STXBP5L: variants seen among roughly 807,000 people sequenced by gnomAD.
STXBP5L encodes syntaxin binding protein 5L.
Under a neutral mutation model 144.5 loss-of-function variants are expected in STXBP5L, and 65 were observed. The ratio of observed to expected loss-of-function variants is 0.45; its 90% CI spans 0.37 to 0.55. STXBP5L has a LOEUF of 0.55. Among genes scored for constraint, STXBP5L ranks in the 20% least tolerant of loss-of-function variants. The pLI, the probability that STXBP5L is intolerant of heterozygous loss-of-function variation, is 0.00. For missense variants in STXBP5L, 1,298 were observed against 1,405.5 expected (o/e 0.92, Z 1.22); for synonymous variants, 505 against 469.6 (o/e 1.08, Z -0.97).
chr3:121,058,480 G>T (rs1421481074), intron 5 of STXBP5L, among the ~76,000 whole-genome samples: 1 of 152,256 alleles, frequency 6.6e-6, no homozygotes, highest in Middle Eastern at 3.4e-3. Flanking sequence ...TAATCCTTTG[G>T]TTATATACCC....
intron 3 of STXBP5L, among the ~76,000 whole-genome samples, chr3:121,007,443 G>T (rs936257814): frequency 3.9e-5 from 6 of 151,920 alleles, no homozygotes; most frequent in East Asian, 1.9e-4. Context: ...GGAAGAGTTT[G>T]TGTGAAATTA....
intron 2 of STXBP5L, among the ~76,000 whole-genome samples, chr3:120,943,499 G>C (rs1348761022): frequency 6.6e-6 from 1 of 151,586 alleles, no homozygotes; most frequent in Non-Finnish European, 1.5e-5. Context: ...AGAGTATGAG[G>C]TATATATATT....
chr3:120,989,782 A>C (rs1217934430), intron 3 of STXBP5L, among the ~76,000 whole-genome samples: 1 of 151,994 alleles, frequency 6.6e-6, no homozygotes, highest in Non-Finnish European at 1.5e-5. Flanking sequence ...TAATGTTTTC[A>C]TTTGTCACAA....
At chr3:121,390,411 T>G (rs2046551107) in intron 22 of STXBP5L, among the ~76,000 whole-genome samples, 1 of 152,216 alleles carries the variant, frequency 6.6e-6, no homozygotes, top group African/African-American at 2.4e-5. Context: ...TTGTTATGTG[T>G]GAATTTGATC....
At chr3:121,032,526 C>T (rs988024875) in intron 3 of STXBP5L, among the ~76,000 whole-genome samples, 2 of 150,806 alleles carry the variant, frequency 1.3e-5, no homozygotes, top group Non-Finnish European at 3.0e-5. Context: ...GACTTCATGT[C>T]CAAAACACCA....
chr3:121,016,058 C>T (rs141082781), intron 3 of STXBP5L, among the ~76,000 whole-genome samples: 83 of 152,316 alleles, frequency 5.4e-4, no homozygotes, highest in African/African-American at 1.9e-3. Flanking sequence ...AACGAAGACA[C>T]TAGAGAAATT....
chr3:121,147,877 C>T (rs943981064), intron 7 of STXBP5L, among the ~76,000 whole-genome samples: 1 of 152,116 alleles, frequency 6.6e-6, no homozygotes. Context: ...TCAGCTTTTT[C>T]CTGCCTTTGG....
chr3:120,942,480 ATATAT>A (rs1164727894), intron 2 of STXBP5L, among the ~76,000 whole-genome samples: 1 of 151,608 alleles, frequency 6.6e-6, no homozygotes, highest in African/African-American at 2.4e-5. Context: ...ATAATAGAAA[ATATAT>A]TATTCAATGT....
At chr3:121,016,132 A>T (rs768237413) in intron 3 of STXBP5L, among the ~76,000 whole-genome samples, 5 of 152,130 alleles carry the variant, frequency 3.3e-5, no homozygotes, top group Non-Finnish European at 7.4e-5. Context: ...TAACGTAAAT[A>T]CTCTAAAGGT....
chr3:120,917,231 T>G (rs1386888728), intron 2 of STXBP5L, among the ~76,000 whole-genome samples: 1 of 152,184 alleles, frequency 6.6e-6, no homozygotes, highest in African/African-American at 2.4e-5. Flanking sequence ...CAGAGACAAG[T>G]GAATTAGGCC....
intron 19 of STXBP5L, among the ~76,000 whole-genome samples, chr3:121,295,468 AGCTTTATGTTG>A (rs2051613486): frequency 6.6e-6 from 1 of 152,180 alleles, no homozygotes; most frequent in African/African-American, 2.4e-5. Flanking sequence ...CTTACTACAA[AGCTTTATGTTG>A]AAAATCAACT....
At chr3:121,121,595 A>G (rs768212523) in intron 6 of STXBP5L, 46 bp from the exon 7 acceptor site, 8 of 1,381,322 alleles carry the variant, frequency 5.8e-6, no homozygotes, top group Non-Finnish European at 8.2e-6. Flanking sequence ...GTGGTAAGGT[A>G]TTTTAATGTT....
intron 22 of STXBP5L, among the ~76,000 whole-genome samples, chr3:121,397,940 T>A (rs1398617457): frequency 5.3e-5 from 8 of 152,260 alleles, no homozygotes; most frequent in Non-Finnish European, 8.8e-5. Flanking sequence ...TGTCCACTCC[T>A]GTATCTACCA....
chr3:121,197,319 T>C (rs1307906515), intron 9 of STXBP5L, among the ~76,000 whole-genome samples: 2 of 152,196 alleles, frequency 1.3e-5, no homozygotes, highest in East Asian at 3.9e-4. Flanking sequence ...TATATCTTCC[T>C]TTTGATTGGA....
intron 20 of STXBP5L, among the ~76,000 whole-genome samples, chr3:121,331,464 A>C (rs987260363): frequency 6.6e-6 from 1 of 152,184 alleles, no homozygotes; most frequent in African/African-American, 2.4e-5. Flanking sequence ...AGGTAGAATC[A>C]TAGTTCCTCT....
chr3:121,241,413 A>G (rs1003136954), intron 14 of STXBP5L, among the ~76,000 whole-genome samples: 7 of 120,216 alleles, frequency 5.8e-5, no homozygotes, highest in Non-Finnish European at 8.9e-5. Context: ...ACACACACGC[A>G]CACACCTTTC....
chr3:121,356,202 G>A (rs533801984), intron 20 of STXBP5L, among the ~76,000 whole-genome samples: 16 of 152,344 alleles, frequency 1.1e-4, no homozygotes, highest in African/African-American at 3.8e-4. Context: ...ACGCCGTGCT[G>A]GGAGAAACAC....
chr3:121,236,197 G>C (rs1452339668), intron 12 of STXBP5L, among the ~76,000 whole-genome samples: 2 of 151,970 alleles, frequency 1.3e-5, no homozygotes, highest in Non-Finnish European at 2.9e-5. Context: ...GTTTACATAG[G>C]AAATGATCTT....
intron 9 of STXBP5L, among the ~76,000 whole-genome samples, chr3:121,172,495 A>C (rs1278300751): frequency 1.3e-5 from 2 of 152,220 alleles, no homozygotes; most frequent in Non-Finnish European, 2.9e-5. Flanking sequence ...CAAGTAAAAA[A>C]CAACCCCATC....
Sources: allele counts gnomAD v4.1 joint callset (sites outside exome capture counted in the v4.1 genomes callset), GRCh38; gene constraint gnomAD v4.1.1; transcripts MANE v1.5; gene names NCBI Gene and HGNC (gene_info 2026-07-23, HGNC 2026-07-21).